The following FNBP1L variants were observed in gnomAD, a reference collection of about 807,000 sequenced individuals.
The protein encoded by FNBP1L is formin binding protein 1 like.
FNBP1L carries 36 observed loss-of-function variants against 91.2 expected under a neutral mutation model. The ratio of observed to expected loss-of-function variants is 0.39; its 90% confidence interval spans 0.30 to 0.52. The LOEUF (loss-of-function observed/expected upper bound fraction) is 0.52, where lower values mean the gene tolerates loss of function less well. Ranked by LOEUF, FNBP1L falls within the 20% of genes least tolerant of loss-of-function variation. The pLI is 0.66. For synonymous variants in FNBP1L, 242 were observed against 237.0 expected (o/e 1.02, Z -0.19); for missense variants, 571 against 732.1 (o/e 0.78, Z 2.54).
chr1:93,537,566 T>C (rs535172657), intron 10 of FNBP1L, among the ~76,000 whole-genome samples: 2 of 152,294 alleles, frequency 1.3e-5, no homozygotes, highest in East Asian at 1.9e-4. Flanking sequence ...AATGTCCCAG[T>C]GTATTATGTC....
intron 1 of FNBP1L, among the ~76,000 whole-genome samples, chr1:93,498,689 G>A (rs776271330): frequency 6.6e-6 from 1 of 152,212 alleles, no homozygotes; most frequent in Non-Finnish European, 1.5e-5. Context: ...TGTTCTTAAA[G>A]CAAGGGAAAT....
rs1232181306 is a variant in FNBP1L at position 93,544,171 on chromosome 1, G to T, written c.1229G>T (p.Arg410Leu). 1 of 1,611,754 alleles carries T rather than the reference G, an allele frequency of 6.2e-7. No homozygotes were observed. Among genetic ancestry groups the T allele is most frequent in the Middle Eastern group, 1.7e-4 (1 of 6,052 alleles). The stretch of plus-strand genomic sequence containing the variant: ...CAGAGACGTAAAAAACTACAGCAGC[G>T]CATTGATGAACTTAACAGAGAACTA... ...PEQRRKKLQQ[R>L]IDELNRELQK... Residue 410 changes from arginine to leucine, a missense_variant, in exon 12 of 17, where the codon CGC becomes CTC. Physicochemically the swap from Arg to Leu is moderately radical, Grantham distance 102. Coordinates refer to ENST00000271234, the MANE Select transcript of FNBP1L (RefSeq NM_001164473.3).
In FNBP1L at chr1:93,448,130, C is replaced by G. The variant is rs1159488504; in HGVS notation, c.-152C>G. 2.1e-6 allele frequency: 2 copies of G among 960,404 alleles called. No homozygotes were observed. Among genetic ancestry groups the G allele is most frequent in the Middle Eastern group, 3.2e-4 (1 of 3,144 alleles). The allele number at this position is 960,404 out of a possible 1,614,324, so 59.5% of individuals were successfully genotyped here. ...CGGAGGCTTCTCCAGTCGCGTCTTT[C>G]TCACTCACTGGGGAGCCCGGCGGTG... is the stretch of plus-strand genomic sequence containing the variant. On this transcript the variant is annotated 5_prime_UTR_variant, in exon 1 of 17. Coordinates refer to ENST00000271234, the MANE Select transcript of FNBP1L (RefSeq NM_001164473.3).
intron 1 of FNBP1L, among the ~76,000 whole-genome samples, chr1:93,481,974 A>G (rs1043121070): frequency 6.6e-6 from 1 of 152,134 alleles, no homozygotes; most frequent in African/African-American, 2.4e-5. Context: ...AGACTGGGCA[A>G]CATGGCGAAA....
At chr1:93,468,254 G>A (rs1420012205) in intron 1 of FNBP1L, among the ~76,000 whole-genome samples, 1 of 151,994 alleles carries the variant, frequency 6.6e-6, no homozygotes, top group Non-Finnish European at 1.5e-5. Context: ...TGTTTTCAAG[G>A]CTCATGCATA....
intron 1 of FNBP1L, among the ~76,000 whole-genome samples, chr1:93,471,873 G>T (rs1016683391): frequency 6.6e-6 from 1 of 152,060 alleles, no homozygotes; most frequent in African/African-American, 2.4e-5. Context: ...ATTTCAGTTG[G>T]CCTTTGGCTT....
intron 2 of FNBP1L, among the ~76,000 whole-genome samples, chr1:93,510,764 G>C (rs1670805297): frequency 1.3e-5 from 2 of 152,128 alleles, no homozygotes; most frequent in African/African-American, 4.8e-5. Flanking sequence ...GCTTAAAGGA[G>C]CTGATGGAGC....
At chr1:93,464,733 A>T (rs945680016) in intron 1 of FNBP1L, among the ~76,000 whole-genome samples, 6 of 152,208 alleles carry the variant, frequency 3.9e-5, no homozygotes, top group African/African-American at 1.4e-4. Flanking sequence ...ATTACCTAAT[A>T]ACTTAAATAC....
chr1:93,501,744 GA>G (rs1670445044), intron 2 of FNBP1L, among the ~76,000 whole-genome samples: 1 of 152,058 alleles, frequency 6.6e-6, no homozygotes, highest in Non-Finnish European at 1.5e-5. Flanking sequence ...TATACAGAGT[GA>G]AAAAGTAAAT....
chr1:93,464,748 T>C (rs184733271), intron 1 of FNBP1L, among the ~76,000 whole-genome samples: 67 of 152,308 alleles, frequency 4.4e-4, no homozygotes, highest in African/African-American at 1.4e-3. Context: ...AAATACCTAG[T>C]TTGATGTTAT....
intron 1 of FNBP1L, among the ~76,000 whole-genome samples, chr1:93,489,722 C>T (rs902975080): frequency 2.0e-5 from 3 of 152,116 alleles, no homozygotes; most frequent in Non-Finnish European, 4.4e-5. Flanking sequence ...CCATGAGAAA[C>T]CAAAAATAAC....
intron 16 of FNBP1L, 21 bp from the exon 17 acceptor site, chr1:93,552,388 C>A: frequency 6.2e-7 from 1 of 1,608,784 alleles, no homozygotes; most frequent in Non-Finnish European, 8.5e-7. Context: ...TTGTTCTTTT[C>A]TTTTTCCTCC....
intron 12 of FNBP1L, among the ~76,000 whole-genome samples, chr1:93,546,321 C>T (rs1045987922): frequency 2.6e-5 from 4 of 151,868 alleles, no homozygotes; most frequent in Non-Finnish European, 5.9e-5. Flanking sequence ...GAGGCACAAC[C>T]GATTGTAATA....
At chr1:93,502,432 T>C (rs1355390929) in intron 2 of FNBP1L, among the ~76,000 whole-genome samples, 1 of 152,320 alleles carries the variant, frequency 6.6e-6, no homozygotes, top group East Asian at 1.9e-4. Flanking sequence ...TAATGTGGAA[T>C]ATTTAACTGT....
rs373129785 is a variant in FNBP1L, at chr1:93,523,461, T to C, written c.312T>C (p.Tyr104=). Reference sequence around the variant, plus strand: ...GAGTGTATGGTGAATTAATGAGATATGCTCATGATCTGAAAACTGAAAGAA... The same window carrying C: ...GAGTGTATGGTGAATTAATGAGATACGCTCATGATCTGAAAACTGAAAGAA... ...AHRVYGELMR[Y]AHDLKTERKM... The change falls in exon 4 of 17, where the codon TAT becomes TAC. Residue 104 remains tyrosine (Y), a synonymous_variant. Coordinates refer to ENST00000271234, the MANE Select transcript of FNBP1L (RefSeq NM_001164473.3). The C allele has an allele frequency of 3.7e-6, 6 of 1,609,020 alleles. No homozygotes were observed. Among genetic ancestry groups the C allele is most frequent in the African/African-American group, 2.7e-5 (2 of 74,984 alleles).
At chr1:93,522,241 AGTTT>A in intron 3 of FNBP1L, 106 bp downstream of exon 3, 1 of 484,786 alleles carries the variant, frequency 2.1e-6, no homozygotes, top group Non-Finnish European at 3.1e-6. Flanking sequence ...GATTTTATAA[AGTTT>A]AATTTAAAAA....
Position 93,517,751 on chromosome 1 carries a change from A to C in FNBP1L, c.141-4331A>C, listed in dbSNP as rs140046032. Among the ~76,000 whole-genome samples the C allele has an allele frequency of 2.0e-3, 303 of 151,492 alleles. 1 individual carries two copies. In the Middle Eastern group the frequency reaches 0.02, roughly 10 times the overall value. On this transcript the variant is annotated intron_variant, in intron 2 of 16. Transcript: ENST00000271234. ...GCAACTCTTCTTCCTTCCCTGTTAAATTTGTGTTTGTAGATGGTCTTTAGC... is the reference window on the plus strand; with the variant it reads ...GCAACTCTTCTTCCTTCCCTGTTAACTTTGTGTTTGTAGATGGTCTTTAGC...
intron 1 of FNBP1L, among the ~76,000 whole-genome samples, chr1:93,486,112 G>C (rs1350484523): frequency 9.9e-5 from 15 of 152,222 alleles, no homozygotes; most frequent in Non-Finnish European, 2.2e-4. Context: ...CACTGTGTTA[G>C]ATGGCAGATG....
intron 2 of FNBP1L, among the ~76,000 whole-genome samples, chr1:93,509,933 A>G (rs1040310420): frequency 3.3e-5 from 5 of 152,234 alleles, no homozygotes; most frequent in South Asian, 2.1e-4. Context: ...CCAGGAGATT[A>G]TATCCCGCAC....
Sources: gnomAD v4.1 joint callset for allele counts (sites outside exome capture counted in the v4.1 genomes callset) on GRCh38, gnomAD v4.1.1 for gene constraint, MANE v1.5 for transcripts, NCBI Gene and HGNC (gene_info 2026-07-23, HGNC 2026-07-21) for gene names.